The following DPF3 variants were observed in gnomAD, a reference collection of about 807,000 sequenced individuals.
The protein encoded by DPF3 is double PHD fingers 3, also known as zinc finger protein DPF3.
A neutral mutation model predicts 56.8 loss-of-function variants in DPF3; 18 were observed. The observed-to-expected ratio is 0.32, with a 90% CI of 0.22 to 0.47. The LOEUF (loss-of-function observed/expected upper bound fraction) is 0.47, where lower values mean the gene tolerates loss of function less well. DPF3 is among the 20% of genes least tolerant of loss of function. The pLI, the probability that DPF3 is intolerant of heterozygous loss-of-function variation, is 1.00. For missense variants in DPF3, 403 were observed against 488.8 expected (o/e 0.82, Z 1.65); for synonymous variants, 188 against 180.2 (o/e 1.04, Z -0.35).
chr14:72,865,760 C>T (rs1185694325), intron 1 of DPF3, among the ~76,000 whole-genome samples: 1 of 152,154 alleles, frequency 6.6e-6, no homozygotes, highest in East Asian at 1.9e-4. Flanking sequence ...TTGACATCAG[C>T]ACTAGGCCGG....
chr14:72,850,106 G>T (rs577952330), intron 1 of DPF3, among the ~76,000 whole-genome samples: 13 of 151,748 alleles, frequency 8.6e-5, no homozygotes, highest in Middle Eastern at 3.4e-3. Flanking sequence ...GCGACAGAGA[G>T]AAACTCCATC....
chr14:72,746,425 C>G (rs1890326019), intron 3 of DPF3, among the ~76,000 whole-genome samples: 1 of 151,988 alleles, frequency 6.6e-6, no homozygotes, highest in Non-Finnish European at 1.5e-5. Context: ...TGTTCAGACT[C>G]AGAAGAGGAT....
intron 7 of DPF3, among the ~76,000 whole-genome samples, chr14:72,689,860 C>T (rs1040559132): frequency 2.0e-5 from 3 of 152,118 alleles, no homozygotes; most frequent in Non-Finnish European, 2.9e-5. Context: ...CTGCTGTACC[C>T]TCCCCACTAG....
intron 3 of DPF3, among the ~76,000 whole-genome samples, chr14:72,748,376 G>A (rs1890414035): frequency 6.6e-6 from 1 of 152,158 alleles, no homozygotes; most frequent in Non-Finnish European, 1.5e-5. Context: ...AAGCAGCAAA[G>A]CATTCAAGAA....
intron 1 of DPF3, among the ~76,000 whole-genome samples, chr14:72,886,895 T>A (rs1357043473): frequency 6.6e-6 from 1 of 152,100 alleles, no homozygotes; most frequent in East Asian, 1.9e-4. Context: ...TCCACACAAC[T>A]GCTGGGCACC....
At chr14:72,808,633 G>A (rs796192834) in intron 1 of DPF3, among the ~76,000 whole-genome samples, 6 of 152,294 alleles carry the variant, frequency 3.9e-5, no homozygotes, top group African/African-American at 1.4e-4. Context: ...TGTTTAGAAA[G>A]TCAGCCTGGA....
chr14:72,705,309 A>G (rs1390616542), intron 6 of DPF3, among the ~76,000 whole-genome samples: 1 of 151,740 alleles, frequency 6.6e-6, no homozygotes, highest in African/African-American at 2.4e-5. Context: ...ATGCCTGATG[A>G]TCTGTCACTG....
intron 8 of DPF3, among the ~76,000 whole-genome samples, chr14:72,635,254 C>G (rs1885352824): frequency 6.6e-6 from 1 of 152,164 alleles, no homozygotes; most frequent in Non-Finnish European, 1.5e-5. Context: ...GGAAACTTCT[C>G]AGACAGATGA....
chr14:72,668,476 A>G (rs1470409228), intron 8 of DPF3, among the ~76,000 whole-genome samples: 1 of 152,266 alleles, frequency 6.6e-6, no homozygotes, highest in Admixed American at 6.5e-5. Context: ...AAGTGAGGAT[A>G]TCAACTACCT....
At chr14:72,619,468 T>C in intron 10 of DPF3, 101 bp from the exon 11 acceptor site, 1 of 1,348,252 alleles carries the variant, frequency 7.4e-7, no homozygotes, top group African/African-American at 1.5e-5. Flanking sequence ...CTTTGAACTT[T>C]GGCAATGCAG....
intron 5 of DPF3, 113 bp downstream of exon 5, chr14:72,723,520 C>G: frequency 1.1e-6 from 1 of 922,532 alleles, no homozygotes; most frequent in South Asian, 1.9e-5. Context: ...TTTGAGCGTT[C>G]TCCATGTAAG....
chr14:72,714,540 G>C, intron 5 of DPF3, 39 bp from the exon 6 acceptor site: 2 of 1,610,564 alleles, frequency 1.2e-6, no homozygotes, highest in African/African-American at 1.3e-5. Context: ...TGTTACCATG[G>C]TCATCACTAC....
At position 72,893,001 on chromosome 14, in the gene DPF3, A is replaced by C. The variant is rs185689822; in HGVS notation, c.32+1056T>G. Among the ~76,000 whole-genome samples, 718 of 101,754 alleles carry C rather than the reference A, an allele frequency of 7.1e-3. 33 individuals carry two copies. Among genetic ancestry groups the C allele is most frequent in the African/African-American group, 0.018 (604 of 33,576 alleles). The allele number at this position is 101,754 out of a possible 152,430, so 66.8% of individuals were successfully genotyped here. A position where few individuals can be genotyped will look rare whatever the true frequency, so the allele number is the denominator to read the frequency against. ...GAAGGAAGGAAGGAAGGAAGGAAGG[A>C]AGGAAGGAAGGAAGGAAGGAAGGAT... On this transcript the variant is annotated intron_variant, in intron 1 of 10. Coordinates refer to ENST00000556509, the MANE Select transcript of DPF3 (RefSeq NM_001280542.3).
chr14:72,708,143 G>T (rs1403623427), intron 6 of DPF3, among the ~76,000 whole-genome samples: 1 of 152,126 alleles, frequency 6.6e-6, no homozygotes, highest in African/African-American at 2.4e-5. Flanking sequence ...GGCAGGTGTA[G>T]GTTAGAAGGT....
intron 7 of DPF3, among the ~76,000 whole-genome samples, chr14:72,689,019 C>T (rs1420233154): frequency 6.6e-6 from 1 of 151,864 alleles, no homozygotes; most frequent in East Asian, 1.9e-4. Flanking sequence ...GAGGGAGAAA[C>T]AAAGGCGTGA....
At chr14:72,827,489 T>G (rs947280984) in intron 1 of DPF3, among the ~76,000 whole-genome samples, 22 of 38,974 alleles carry the variant, frequency 5.6e-4, no homozygotes, top group African/African-American at 3.0e-3. Context: ...CCCTTTACTC[T>G]TTTTTTTTTT....
intron 2 of DPF3, among the ~76,000 whole-genome samples, chr14:72,760,229 G>A (rs1381812459): frequency 6.6e-6 from 1 of 152,160 alleles, no homozygotes; most frequent in Non-Finnish European, 1.5e-5. Flanking sequence ...CCAACAATTT[G>A]GGAGGCCAAG....
At chr14:72,809,375 A>G (rs1888086635) in intron 1 of DPF3, among the ~76,000 whole-genome samples, 1 of 152,184 alleles carries the variant, frequency 6.6e-6, no homozygotes. Context: ...TCCATCATCT[A>G]GGACCTTGGG....
At position 72,835,954 on chromosome 14, in the gene DPF3, C is replaced by G. The variant is rs1884275139; in HGVS notation, c.32+58103G>C. ...TATTTGACTCTTCGACACCTAAAAC[C>G]TGTGCGTTGTGTTCAAGATACACCC... On this transcript the variant is annotated intron_variant, in intron 1 of 10. Coordinates refer to ENST00000556509, the MANE Select transcript of DPF3 (RefSeq NM_001280542.3). 7 of 788,072 alleles carry G rather than the reference C, an allele frequency of 8.9e-6. No individual in the cohort carries two copies. In the South Asian group the frequency reaches 4.1e-4, roughly 46 times the overall value. 48.8% of individuals were successfully genotyped at this position (788,072 alleles called of 1,614,324 possible). A position where few individuals can be genotyped will look rare whatever the true frequency, so the allele number is the denominator to read the frequency against.
Sources: allele counts gnomAD v4.1 joint callset (sites outside exome capture counted in the v4.1 genomes callset), GRCh38; gene constraint gnomAD v4.1.1; transcripts MANE v1.5; gene names NCBI Gene and HGNC (gene_info 2026-07-23, HGNC 2026-07-21).